Variants in FAM13A observed in about 807,000 individuals in gnomAD.
FAM13A encodes family with sequence similarity 13 member A.
FAM13A carries 76 observed loss-of-function variants against 129.6 expected under a neutral mutation model. The observed-to-expected ratio is 0.59, with a 90% CI of 0.49 to 0.71. The LOEUF (loss-of-function observed/expected upper bound fraction) is 0.71, where lower values mean the gene tolerates loss of function less well. Among genes scored for constraint, FAM13A ranks in the 30% least tolerant of loss-of-function variants. FAM13A has a pLI of 0.00. For missense variants in FAM13A, 1,108 were observed against 1,249.3 expected (o/e 0.89, Z 1.70); for synonymous variants, 443 against 449.9 (o/e 0.98, Z 0.20).
chr4:88,737,739 T>G, intron 20 of FAM13A, 184 bp from the exon 21 acceptor site: 1 of 609,824 alleles, frequency 1.6e-6, no homozygotes, highest in Non-Finnish European at 2.9e-6. Context: ...GCTGCTTCCC[T>G]TCAGCGCCCA....
intron 4 of FAM13A, 52 bp downstream of exon 4, chr4:88,990,921 T>A: frequency 7.2e-7 from 1 of 1,396,880 alleles, no homozygotes; most frequent in South Asian, 1.2e-5. Flanking sequence ...CAGACAGTAG[T>A]AAACACAAAG....
chr4:89,015,237 GC>G (rs1355645409), intron 3 of FAM13A, among the ~76,000 whole-genome samples: 1 of 151,992 alleles, frequency 6.6e-6, no homozygotes, highest in African/African-American at 2.4e-5. Context: ...TTTTAATTTC[GC>G]CCCGGTCCTG....
At chr4:89,035,844 G>GT (rs1769318877) in intron 1 of FAM13A, among the ~76,000 whole-genome samples, 1 of 152,116 alleles carries the variant, frequency 6.6e-6, no homozygotes, top group South Asian at 2.1e-4. Flanking sequence ...CCCAAGCCTT[G>GT]TATCCTGTAC....
chr4:88,892,432 G>A (rs1416224366), intron 6 of FAM13A, among the ~76,000 whole-genome samples: 1 of 151,982 alleles, frequency 6.6e-6, no homozygotes, highest in Non-Finnish European at 1.5e-5. Context: ...GCCCGCCTCG[G>A]CCTCCCAAAG....
In FAM13A at chr4:88,732,022, T is replaced by A. The variant is rs760014083; in HGVS notation, c.2823A>T (p.Ser941=). ...PSKCSQDTGL[S]NLHAASIPEL... is the part of the protein sequence containing the mutation. Reference sequence around the variant, plus strand: ...CATACATTGAGGCAGCATGGAGATTTGAAAGCCCTGTGTCCTGGCTGCATT... The same window carrying A: ...CATACATTGAGGCAGCATGGAGATTAGAAAGCCCTGTGTCCTGGCTGCATT... The change falls in exon 22 of 24, where the codon TCA becomes TCT. Residue 941 remains serine, a synonymous_variant. Coordinates refer to ENST00000264344, the MANE Select transcript of FAM13A (RefSeq NM_014883.4). 1.2e-6 allele frequency: 2 copies of A among 1,612,002 alleles called. No individual in the cohort carries two copies. The highest frequency in any genetic ancestry group is 1.7e-6 in the Non-Finnish European group (2 of 1,179,166).
At chr4:88,913,853 T>G (rs1291714275) in intron 5 of FAM13A, among the ~76,000 whole-genome samples, 1 of 152,154 alleles carries the variant, frequency 6.6e-6, no homozygotes, top group Non-Finnish European at 1.5e-5. Context: ...ATTACTTACA[T>G]CTAATTGCCT....
chr4:88,887,116 A>C (rs1744552684), intron 6 of FAM13A, among the ~76,000 whole-genome samples: 1 of 152,102 alleles, frequency 6.6e-6, no homozygotes, highest in Non-Finnish European at 1.5e-5. Flanking sequence ...AAGGCATAAG[A>C]ATGATACAAC....
chr4:88,972,426 T>G (rs927705834), intron 4 of FAM13A, among the ~76,000 whole-genome samples: 2 of 151,576 alleles, frequency 1.3e-5, no homozygotes, highest in Non-Finnish European at 2.9e-5. Flanking sequence ...CTCAGCCTCC[T>G]GAGTAGCTGG....
intron 7 of FAM13A, among the ~76,000 whole-genome samples, chr4:88,826,250 T>C (rs1732959299): frequency 6.7e-6 from 1 of 149,082 alleles, no homozygotes; most frequent in Non-Finnish European, 1.5e-5. Flanking sequence ...TCTGTTCAAC[T>C]CCAACTGTTT....
intron 5 of FAM13A, among the ~76,000 whole-genome samples, chr4:88,923,970 A>C (rs1406366712): frequency 6.6e-6 from 1 of 152,190 alleles, no homozygotes; most frequent in Non-Finnish European, 1.5e-5. Flanking sequence ...CAAAGAGAAT[A>C]AAATACCTAG....
At chr4:88,904,805 T>C (rs1262300109) in intron 6 of FAM13A, among the ~76,000 whole-genome samples, 2 of 152,212 alleles carry the variant, frequency 1.3e-5, no homozygotes, top group Non-Finnish European at 2.9e-5. Context: ...GAAATTTTTC[T>C]TTTCACTGGC....
intron 21 of FAM13A, among the ~76,000 whole-genome samples, chr4:88,735,295 C>G (rs1237387222): frequency 6.6e-6 from 1 of 152,114 alleles, no homozygotes; most frequent in Non-Finnish European, 1.5e-5. Flanking sequence ...ATTTATCAAA[C>G]CTATACATTT....
chr4:88,927,432 T>C (rs2704589), intron 5 of FAM13A, among the ~76,000 whole-genome samples: 107,153 of 145,696 alleles, frequency 0.74, 39,395 homozygotes, highest in Non-Finnish European at 0.78. Flanking sequence ...AATTTGGATG[T>C]CTTTTTTTTT....
intron 4 of FAM13A, among the ~76,000 whole-genome samples, chr4:88,970,499 CTA>C (rs1294448581): frequency 6.6e-6 from 1 of 150,386 alleles, no homozygotes; most frequent in African/African-American, 2.4e-5. Context: ...TATAGATACA[CTA>C]TATATATTTG....
At chr4:89,056,826 C>T in intron 1 of FAM13A, 112 bp downstream of exon 1, 4 of 1,063,014 alleles carry the variant, frequency 3.8e-6, no homozygotes, top group Non-Finnish European at 4.2e-6. Context: ...CTTTCCCCAC[C>T]TCCTGGGAAG....
intron 7 of FAM13A, among the ~76,000 whole-genome samples, chr4:88,815,316 T>C (rs1002638972): frequency 3.3e-5 from 5 of 152,152 alleles, no homozygotes; most frequent in African/African-American, 9.7e-5. Context: ...CCTATCTTAT[T>C]TTTACCACCC....
At chr4:88,885,212 T>C (rs994219919) in intron 6 of FAM13A, among the ~76,000 whole-genome samples, 13 of 152,056 alleles carry the variant, frequency 8.5e-5, no homozygotes, top group Middle Eastern at 6.8e-3. Context: ...AATCCAAAAC[T>C]AAGCAAAAAG....
chr4:88,731,831 C>A, intron 22 of FAM13A, 171 bp downstream of exon 22: 1 of 579,056 alleles, frequency 1.7e-6, no homozygotes, highest in Non-Finnish European at 3.0e-6. Context: ...ATAACATGGG[C>A]TGAAGCATAT....
chr4:88,850,040 T>C (rs76937800), intron 7 of FAM13A, among the ~76,000 whole-genome samples: 3,503 of 152,306 alleles, frequency 0.023, 171 homozygotes, highest in East Asian at 0.18. Flanking sequence ...ATGTCTTCTA[T>C]AAGGCAATAC....
Sources: allele counts gnomAD v4.1 joint callset (sites outside exome capture counted in the v4.1 genomes callset), GRCh38; gene constraint gnomAD v4.1.1; transcripts MANE v1.5; gene names NCBI Gene and HGNC (gene_info 2026-07-23, HGNC 2026-07-21).